Variants in MGAT4C observed in about 807,000 individuals in gnomAD.
MGAT4C encodes alpha-1,3-mannosyl-glycoprotein 4-beta-N-acetylglucosaminyltransferase C.
In MGAT4C, 19 loss-of-function variants were observed where a neutral mutation model predicts 40.1. The ratio of observed to expected loss-of-function variants is 0.47; its 90% CI spans 0.33 to 0.70. The LOEUF (loss-of-function observed/expected upper bound fraction) is 0.70, where lower values mean the gene tolerates loss of function less well. Ranked by LOEUF, MGAT4C falls within the 30% of genes least tolerant of loss-of-function variation. The pLI is 0.02. For missense variants in MGAT4C, 491 were observed against 563.2 expected, an observed-to-expected ratio of 0.87 and a Z score of 1.30; for synonymous variants, 181 against 187.1, an observed-to-expected ratio of 0.97 and a Z score of 0.27.
At chr12:86,413,177 T>C (rs913750071) in intron 3 of MGAT4C, among the ~76,000 whole-genome samples, 2 of 151,966 alleles carry the variant, frequency 1.3e-5, no homozygotes, top group South Asian at 4.2e-4. Context: ...GTACTTAGAA[T>C]AAGAATGGAG....
At chr12:86,537,278 G>T in intron 2 of MGAT4C, among the ~76,000 whole-genome samples, 1 of 151,914 alleles carries the variant, frequency 6.6e-6, no homozygotes, top group East Asian at 1.9e-4. Context: ...ATTAAATGAC[G>T]AGTTAATGGG....
chr12:86,725,566 T>C lies in MGAT4C; in HGVS notation c.-229+1643A>G, dbSNP rs575595798. On this transcript the variant is annotated intron_variant, in intron 2 of 7. Coordinates refer to the MGAT4C transcript ENST00000548651. ...ACCTCCGCCTCCTGAGTTCAAGCAA[T>C]TCTCCTGCCTCAGCCTCCCGAGTAG... Among the ~76,000 whole-genome samples the C allele has an allele frequency of 5.3e-5, 8 of 152,230 alleles. No homozygotes were observed. The East Asian group carries it at 1.2e-3, about 22-fold the overall frequency.
At chr12:86,744,424 A>G (rs768973997) in intron 1 of MGAT4C, among the ~76,000 whole-genome samples, 1 of 151,574 alleles carries the variant, frequency 6.6e-6, no homozygotes, top group Non-Finnish European at 1.5e-5. Context: ...ACACTTGTAC[A>G]GTGTTTCAAG....
intron 2 of MGAT4C, chr12:86,727,096 T>C (rs1950834175): frequency 6.6e-6 from 1 of 152,162 alleles, no homozygotes. Context: ...TGTTATCATT[T>C]ATACTGTTAA....
intron 1 of MGAT4C, among the ~76,000 whole-genome samples, chr12:86,217,973 A>G (rs58654411): frequency 2.0e-5 from 3 of 152,076 alleles, no homozygotes; most frequent in Non-Finnish European, 4.4e-5. Context: ...TTATCTATAA[A>G]TTTTTTCTAA....
intron 1 of MGAT4C, among the ~76,000 whole-genome samples, chr12:86,050,175 C>T (rs1459434210): frequency 6.6e-6 from 1 of 151,942 alleles, no homozygotes; most frequent in Non-Finnish European, 1.5e-5. Flanking sequence ...GTCTGTTACA[C>T]ATTTATCCAT....
intron 1 of MGAT4C, among the ~76,000 whole-genome samples, chr12:86,137,474 GTTA>G (rs1448932101): frequency 6.6e-6 from 1 of 152,114 alleles, no homozygotes; most frequent in African/African-American, 2.4e-5. Flanking sequence ...TTCAGTGACT[GTTA>G]TTGCCTAAAG....
intron 1 of MGAT4C, among the ~76,000 whole-genome samples, chr12:86,177,446 C>G (rs1176971617): frequency 1.3e-5 from 2 of 151,886 alleles, no homozygotes; most frequent in Non-Finnish European, 2.9e-5. Flanking sequence ...AAAATGAACT[C>G]AAAACATTCA....
chr12:86,415,985 A>G (rs529742355), intron 3 of MGAT4C, among the ~76,000 whole-genome samples: 30 of 152,180 alleles, frequency 2.0e-4, no homozygotes, highest in Non-Finnish European at 4.1e-4. Context: ...GTTAGCCTAG[A>G]AAGAGAATGT....
intron 2 of MGAT4C, among the ~76,000 whole-genome samples, chr12:86,610,390 T>C (rs904226434): frequency 2.6e-5 from 4 of 152,128 alleles, no homozygotes; most frequent in African/African-American, 9.7e-5. Flanking sequence ...GCCATCTACT[T>C]TGAAGGAATG....
intron 2 of MGAT4C, among the ~76,000 whole-genome samples, chr12:86,588,366 A>G (rs1961160863): frequency 6.6e-6 from 1 of 152,020 alleles, no homozygotes; most frequent in Non-Finnish European, 1.5e-5. Flanking sequence ...TCCTAAATAT[A>G]TATGCACCCA....
chr12:86,709,177 C>T (rs976065491), intron 2 of MGAT4C, among the ~76,000 whole-genome samples: 1 of 152,072 alleles, frequency 6.6e-6, no homozygotes, highest in South Asian at 2.1e-4. Context: ...ATAAGTCTCA[C>T]GAGATCTGAT....
intron 2 of MGAT4C, among the ~76,000 whole-genome samples, chr12:86,453,200 T>C (rs1008775066): frequency 6.6e-6 from 1 of 152,086 alleles, no homozygotes; most frequent in African/African-American, 2.4e-5. Context: ...GCAGAGTACA[T>C]TGTGATTAAT....
At chr12:86,166,399 C>T (rs149917888) in intron 1 of MGAT4C, among the ~76,000 whole-genome samples, 2 of 152,246 alleles carry the variant, frequency 1.3e-5, no homozygotes, top group Non-Finnish European at 2.9e-5. Flanking sequence ...CGGGTGGGTG[C>T]GGTGGCTCAC....
At chr12:86,297,793 A>G (rs1778014116) in intron 4 of MGAT4C, among the ~76,000 whole-genome samples, 1 of 152,196 alleles carries the variant, frequency 6.6e-6, no homozygotes, top group South Asian at 2.1e-4. Context: ...CTATCTATTC[A>G]GACACACTAT....
chr12:86,234,052 A>G (rs1379575294), intron 1 of MGAT4C, among the ~76,000 whole-genome samples: 1 of 152,162 alleles, frequency 6.6e-6, no homozygotes, highest in Non-Finnish European at 1.5e-5. Context: ...GTATGCTATC[A>G]TAGTAGCAAT....
rs1187449145 is a variant in MGAT4C at position 86,198,455 on chromosome 12, T to C, written c.-57+57784A>G. ...TCTACAGTTATAAAACATTGCTTTTTAGATGAATTCATAATAAAAATTATT... is the reference window on the plus strand; with the variant it reads ...TCTACAGTTATAAAACATTGCTTTTCAGATGAATTCATAATAAAAATTATT... On this transcript the variant is annotated intron_variant, in intron 1 of 4. Coordinates refer to ENST00000611864, the MANE Select transcript of MGAT4C (RefSeq NM_001351288.2). Among the ~76,000 whole-genome samples, 3 of 152,332 alleles carry C rather than the reference T, an allele frequency of 2.0e-5. No homozygotes were observed. The South Asian group carries it at 6.2e-4, about 32-fold the overall frequency.
At chr12:86,454,393 A>T (rs1957476807) in intron 2 of MGAT4C, among the ~76,000 whole-genome samples, 1 of 152,010 alleles carries the variant, frequency 6.6e-6, no homozygotes, top group Non-Finnish European at 1.5e-5. Flanking sequence ...ACACCTGATT[A>T]ATTTTTGTAT....
At chr12:86,323,655 T>C (rs573916412) in intron 4 of MGAT4C, among the ~76,000 whole-genome samples, 1 of 152,000 alleles carries the variant, frequency 6.6e-6, no homozygotes, top group Admixed American at 6.6e-5. Context: ...AGTAAATACA[T>C]ACATATATAT....
Sources: gnomAD v4.1 joint callset for allele counts (sites outside exome capture counted in the v4.1 genomes callset) on GRCh38, gnomAD v4.1.1 for gene constraint, MANE v1.5 for transcripts, NCBI Gene and HGNC (gene_info 2026-07-23, HGNC 2026-07-21) for gene names.